C16orf89: variants seen among roughly 807,000 people sequenced by gnomAD.
C16orf89 encodes the protein chromosome 16 open reading frame 89.
C16orf89 carries 57 observed loss-of-function variants against 41.5 expected under a neutral mutation model. The ratio of observed to expected loss-of-function variants is 1.38; its 90% CI spans 1.11 to 1.71. The LOEUF (loss-of-function observed/expected upper bound fraction) is 1.71. Among genes scored for constraint, C16orf89 ranks in the 40% most tolerant of loss-of-function variants. The pLI, the probability that C16orf89 is intolerant of heterozygous loss-of-function variation, is 0.00. For missense variants in C16orf89, 575 were observed against 445.9 expected (o/e 1.29, Z -2.61); for synonymous variants, 223 against 190.6 (o/e 1.17, Z -1.40).
chr16:5,048,071 C>T (rs78565395), intron 6 of C16orf89, 107 bp from the exon 7 acceptor site: 27,672 of 672,374 alleles, frequency 0.041, 718 homozygotes, highest in Middle Eastern at 0.081. Context: ...TTCTATTGGC[C>T]AGGCTGGGTG....
intron 6 of C16orf89, among the ~76,000 whole-genome samples, chr16:5,050,485 G>C (rs1956376554): frequency 6.6e-6 from 1 of 152,098 alleles, no homozygotes; most frequent in Non-Finnish European, 1.5e-5. Flanking sequence ...TAATGAGATT[G>C]AATGTGTAAT....
Position 5,058,552 on chromosome 16 carries a change from G to A in C16orf89, c.568C>T (p.Pro190Ser), listed in dbSNP as rs866466840. The A allele has an allele frequency of 5.6e-6, 9 of 1,612,710 alleles. No homozygotes were observed. In the African/African-American group the frequency reaches 8.0e-5, roughly 14 times the overall value. Reference protein sequence around the residue: ...SDLCRSLMTKPGCSGYCLSHQ... With the variant: ...SDLCRSLMTKSGCSGYCLSHQ... Reference sequence around the variant, plus strand: ...GACAGGCAGTAGCCTGAGCAGCCGGGCTTGGTCATGAGGCTCCTGCAGAGG... The same window carrying A: ...GACAGGCAGTAGCCTGAGCAGCCGGACTTGGTCATGAGGCTCCTGCAGAGG... Residue 190 changes from proline (P) to serine (S), a missense_variant, in exon 4 of 8, where the codon CCC becomes TCC. Coordinates refer to ENST00000472572, the MANE Select transcript of C16orf89 (RefSeq NM_001098514.3).
In C16orf89 at chr16:5,056,181, C is replaced by T. The variant is rs1429818692; in HGVS notation, c.635G>A (p.Cys212Tyr). The change falls in exon 5 of 8, where the codon TGC becomes TAC. Residue 212 changes from cysteine (C) to tyrosine (Y), a missense_variant. Physicochemically the swap from Cys to Tyr is radical, Grantham distance 194 (BLOSUM62 -2). Transcript: ENST00000472572. The stretch of plus-strand genomic sequence containing the variant: ...GCTCTGTTGGAGTGGTCCCTGTGTG[C>T]ACCCCCTCTGGGGAGACAAACACCC... ...LFFLWARMRG[C>Y]TQGPLQQSQD... 6.9e-6 allele frequency: 11 copies of T among 1,588,708 alleles called. No individual in the cohort carries two copies. The highest frequency in any genetic ancestry group is 5.5e-5 in the South Asian group (5 of 90,424).
chr16:5,058,371 G>A (rs903797102), intron 4 of C16orf89, 122 bp downstream of exon 4: 38 of 783,750 alleles, frequency 4.8e-5, no homozygotes, highest in Admixed American at 9.7e-5. Flanking sequence ...GGCCTCAAGT[G>A]ATCTGCCTGC....
intron 6 of C16orf89, among the ~76,000 whole-genome samples, chr16:5,052,606 A>AG: frequency 6.9e-6 from 1 of 144,448 alleles, no homozygotes; most frequent in East Asian, 2.0e-4. Flanking sequence ...AAAGAAAGAA[A>AG]AAAAAAAAAG....
At chr16:5,054,835 CTT>C (rs1567154287) in intron 6 of C16orf89, among the ~76,000 whole-genome samples, 1 of 152,206 alleles carries the variant, frequency 6.6e-6, no homozygotes, top group Non-Finnish European at 1.5e-5. Flanking sequence ...CTCATTCTCT[CTT>C]GTCTGCCACT....
chr16:5,047,424 C>T (rs1596683116), intron 7 of C16orf89, among the ~76,000 whole-genome samples: 1 of 152,062 alleles, frequency 6.6e-6, no homozygotes, highest in Non-Finnish European at 1.5e-5. Context: ...CTTTTATGCT[C>T]CTTTAACAAA....
At position 5,062,590 on chromosome 16, in the gene C16orf89, G is replaced by C. The variant is rs979745292; in HGVS notation, c.209-16C>G. On this transcript the variant is annotated splice_polypyrimidine_tract_variant and intron_variant, in intron 1 of 7. Transcript: ENST00000472572. ...TTTAGCTGCTCTGGAAGGGAACAGAGTTAATTCATTCAACTATTTGGAATC... is the reference window on the plus strand; with the variant it reads ...TTTAGCTGCTCTGGAAGGGAACAGACTTAATTCATTCAACTATTTGGAATC... 1.9e-6 allele frequency: 3 copies of C among 1,566,232 alleles called. No homozygotes were observed. Among genetic ancestry groups the C allele is most frequent in the Non-Finnish European group, 2.6e-6 (3 of 1,157,102 alleles).
intron 7 of C16orf89, 179 bp from the exon 8 acceptor site, chr16:5,044,657 C>A (rs1349987836): frequency 2.4e-6 from 3 of 1,241,234 alleles, no homozygotes; most frequent in Non-Finnish European, 3.3e-6. Flanking sequence ...GCATGAGCAA[C>A]ATGATGAAAC....
rs770578532 is a variant in C16orf89 at position 5,062,459 on chromosome 16, G to C, written c.324C>G (p.His108Gln). 2 of 1,614,104 alleles carry C rather than the reference G, an allele frequency of 1.2e-6. No homozygotes were observed. The highest frequency in any genetic ancestry group is 1.7e-6 in the Non-Finnish European group (2 of 1,179,984). The change falls in exon 2 of 8, where the codon CAC (histidine) becomes CAG (glutamine). Residue 108 changes from histidine to glutamine, a missense_variant. His to Gln is a conservative substitution (Grantham distance 24, BLOSUM62 0). Coordinates refer to ENST00000472572, the MANE Select transcript of C16orf89 (RefSeq NM_001098514.3). ...KLEAAIQRSL[H>Q]YLKLSDPKYL... Reference sequence around the variant, plus strand: ...ACTTGGGATCACTCAGCTTGAGGTAGTGGAGGGATCTCTGGATGGCAGCCT... The same window carrying C: ...ACTTGGGATCACTCAGCTTGAGGTACTGGAGGGATCTCTGGATGGCAGCCT...
Position 5,061,501 on chromosome 16 carries a change from A to AAG in C16orf89, c.358+923_358+924insCT, listed in dbSNP as rs1567159522. ...CACTGTCTCAAAAAAAAAAAAAAAAAAAACCCCCCCAAAAAAAAAAACAAG... is the reference window on the plus strand; with the variant it reads ...CACTGTCTCAAAAAAAAAAAAAAAAAAGAAACCCCCCCAAAAAAAAAAACAAG... On this transcript the variant is annotated intron_variant, in intron 2 of 7. Coordinates refer to ENST00000472572, the MANE Select transcript of C16orf89 (RefSeq NM_001098514.3). Among the ~76,000 whole-genome samples, 642 of 88,920 alleles carry AAG rather than the reference A, an allele frequency of 7.2e-3. 47 individuals carry two copies. The highest frequency in any genetic ancestry group is 0.025 in the African/African-American group (535 of 21,568). The allele number at this position is 88,920 out of a possible 152,430, so 58.3% of individuals were successfully genotyped here.
chr16:5,055,670 G>A (rs1338142507), intron 5 of C16orf89: 26 of 1,532,352 alleles, frequency 1.7e-5, no homozygotes, highest in Non-Finnish European at 2.2e-5. Flanking sequence ...GGCTTTGTGG[G>A]TCTGTCTGCC....
At chr16:5,055,588 A>T (rs1364214529) in intron 5 of C16orf89, 3 of 1,272,692 alleles carry the variant, frequency 2.4e-6, no homozygotes, top group Non-Finnish European at 3.2e-6. Flanking sequence ...CAAAGTCAGG[A>T]TCAGTGGAGG....
chr16:5,063,711 C>G (rs563992977), intron 1 of C16orf89, among the ~76,000 whole-genome samples: 19 of 152,318 alleles, frequency 1.2e-4, no homozygotes, highest in African/African-American at 4.6e-4. Context: ...GCCCGATGAT[C>G]TGAGACCGTC....
intron 7 of C16orf89, 91 bp from the exon 8 acceptor site, chr16:5,044,569 G>A (rs8055684): frequency 0.3 from 466,868 of 1,558,612 alleles, 70,716 homozygotes; most frequent in Middle Eastern, 0.36. Flanking sequence ...TCAGCCAGAC[G>A]CGGTGGCTCA....
chr16:5,044,926 C>T, intron 7 of C16orf89: 2 of 1,224,130 alleles, frequency 1.6e-6, no homozygotes, highest in Non-Finnish European at 2.1e-6. Flanking sequence ...CCCTTAGGCC[C>T]CTTTTGCTGG....
chr16:5,058,653 C>G, intron 3 of C16orf89, 43 bp from the exon 4 acceptor site: 1 of 1,498,550 alleles, frequency 6.7e-7, no homozygotes, highest in Non-Finnish European at 9.2e-7. Context: ...GGAGCGCTGA[C>G]TCTGCCCTGC....
intron 3 of C16orf89, among the ~76,000 whole-genome samples, chr16:5,059,467 CAAAAAAATAAA>C (rs1310212853): frequency 7.2e-5 from 11 of 151,742 alleles, no homozygotes; most frequent in African/African-American, 2.7e-4. Flanking sequence ...GCCTCTGTCT[CAAAAAAATAAA>C]AATAAATAAA....
At chr16:5,060,603 G>A (rs1011818700) in intron 2 of C16orf89, among the ~76,000 whole-genome samples, 167 bp from the exon 3 acceptor site, 1 of 152,118 alleles carries the variant, frequency 6.6e-6, no homozygotes, top group African/African-American at 2.4e-5. Flanking sequence ...ACTCAAGAAA[G>A]CTCCTTTTGC....
Sources: gnomAD v4.1 joint callset for allele counts (sites outside exome capture counted in the v4.1 genomes callset) on GRCh38, gnomAD v4.1.1 for gene constraint, MANE v1.5 for transcripts, NCBI Gene and HGNC (gene_info 2026-07-23, HGNC 2026-07-21) for gene names.